Variants in FRMD4B observed in about 807,000 individuals in gnomAD.
FRMD4B encodes FERM domain containing 4B.
Under a neutral mutation model 141.5 loss-of-function variants are expected in FRMD4B, and 74 were observed. That is an observed-to-expected ratio of 0.52 (90% CI 0.43 to 0.63). The LOEUF is 0.63. Among genes scored for constraint, FRMD4B ranks in the 30% least tolerant of loss-of-function variants. FRMD4B has a pLI of 0.00. For missense variants in FRMD4B, 1,366 were observed against 1,253.4 expected, an observed-to-expected ratio of 1.09 and a Z score of -1.36; for synonymous variants, 506 against 467.9, an observed-to-expected ratio of 1.08 and a Z score of -1.05.
intron 1 of FRMD4B, among the ~76,000 whole-genome samples, chr3:69,332,742 ATTTTTTTTTTTTT>A (rs58437578): frequency 7.4e-5 from 5 of 67,548 alleles, no homozygotes; most frequent in African/African-American, 2.5e-4. Flanking sequence ...ACACCTGGCT[ATTTTTTTTTTTTT>A]TTTTTTTTTT....
At chr3:69,481,003 A>G (rs1575585739) in intron 1 of FRMD4B, among the ~76,000 whole-genome samples, 1 of 151,958 alleles carries the variant, frequency 6.6e-6, no homozygotes, top group Middle Eastern at 3.4e-3. Flanking sequence ...TGGGCTTAGG[A>G]CCCTCCGAGC....
chr3:69,400,499 T>C (rs1704546443), intron 2 of FRMD4B, among the ~76,000 whole-genome samples: 2 of 152,136 alleles, frequency 1.3e-5, no homozygotes, highest in Non-Finnish European at 2.9e-5. Flanking sequence ...GGAAGAAGCC[T>C]GGAGGAAACT....
intron 2 of FRMD4B, among the ~76,000 whole-genome samples, chr3:69,422,744 G>T (rs9310151): frequency 1 from 151,957 of 152,346 alleles, 75,787 homozygotes; most frequent in East Asian, 1. Flanking sequence ...TTTTGTATAA[G>T]TTTCATGTGT....
intron 1 of FRMD4B, among the ~76,000 whole-genome samples, chr3:69,512,411 G>T (rs1451638439): frequency 6.6e-6 from 1 of 152,122 alleles, no homozygotes; most frequent in Non-Finnish European, 1.5e-5. Flanking sequence ...TATAGTACAG[G>T]CTAAGCTACT....
chr3:69,471,347 G>T, intron 1 of FRMD4B: 1 of 191,648 alleles, frequency 5.2e-6, no homozygotes. Context: ...GTGATCATAA[G>T]GATTAATGAG....
intron 1 of FRMD4B, among the ~76,000 whole-genome samples, chr3:69,527,340 G>A (rs1214146243): frequency 6.6e-6 from 1 of 152,070 alleles, no homozygotes; most frequent in East Asian, 1.9e-4. Flanking sequence ...AGCCCTTCCG[G>A]GGTGGAGCGC....
intron 1 of FRMD4B, among the ~76,000 whole-genome samples, chr3:69,384,231 T>C (rs1003765990): frequency 1.3e-5 from 2 of 152,220 alleles, no homozygotes; most frequent in African/African-American, 4.8e-5. Flanking sequence ...TGCATAAAAA[T>C]TATCAGTCAA....
intron 2 of FRMD4B, among the ~76,000 whole-genome samples, chr3:69,393,796 A>T (rs1351143582): frequency 6.6e-6 from 1 of 152,204 alleles, no homozygotes; most frequent in Admixed American, 6.5e-5. Context: ...TTATATCATC[A>T]GTTGATTCTC....
At position 69,168,980 on chromosome 3, in the gene FRMD4B, A is replaced by G. The variant is rs2092561917; in HGVS notation, c.*2881T>C. The stretch of plus-strand genomic sequence containing the variant: ...GTCTTGATACAGAGGCCCAAGATAT[A>G]TTAGGCAGAAAACAAAACAAACAAA... On this transcript the variant is annotated 3_prime_UTR_variant, in exon 23 of 23. Coordinates refer to ENST00000398540, the MANE Select transcript of FRMD4B (RefSeq NM_015123.3). Among the ~76,000 whole-genome samples the G allele has an allele frequency of 7.3e-6, 1 of 136,124 alleles. No homozygotes were observed. The highest frequency in any genetic ancestry group is 2.3e-4 in the South Asian group (1 of 4,334). 89.3% of individuals were successfully genotyped at this position (136,124 alleles called of 152,430 possible).
chr3:69,492,592 A>G (rs911892357), intron 1 of FRMD4B, among the ~76,000 whole-genome samples: 10 of 152,320 alleles, frequency 6.6e-5, no homozygotes, highest in Non-Finnish European at 1.3e-4. Context: ...ATGTGCATAA[A>G]TTCATAGCCT....
At chr3:69,212,525 T>C (rs988978027) in intron 11 of FRMD4B, among the ~76,000 whole-genome samples, 6 of 152,134 alleles carry the variant, frequency 3.9e-5, no homozygotes, top group African/African-American at 1.4e-4. Flanking sequence ...GACCCTTTTC[T>C]AGACTCTGGA....
chr3:69,503,090 C>A (rs528929196), intron 1 of FRMD4B, among the ~76,000 whole-genome samples: 7 of 152,284 alleles, frequency 4.6e-5, no homozygotes, highest in South Asian at 4.1e-4. Flanking sequence ...GTTGGTGGGA[C>A]TGTAAACTAG....
At position 69,206,337 on chromosome 3, in the gene FRMD4B, G is replaced by GAC. The variant is rs376184912; in HGVS notation, c.877-7565_877-7564dup. Among the ~76,000 whole-genome samples, 388 of 152,164 alleles carry GAC rather than the reference G, an allele frequency of 2.5e-3. 1 individual carries two copies. The highest frequency in any genetic ancestry group is 8.9e-3 in the African/African-American group (370 of 41,498). On this transcript the variant is annotated intron_variant, in intron 11 of 22. Coordinates refer to ENST00000398540, the MANE Select transcript of FRMD4B (RefSeq NM_015123.3). ...TGCACTCCAGCCTGGGCGACAGAGT[G>GAC]ACACTCCATCTCAAAAAAACAAAAC... is the stretch of plus-strand genomic sequence containing the variant.
intron 3 of FRMD4B, among the ~76,000 whole-genome samples, chr3:69,304,383 C>T (rs1701319406): frequency 6.7e-6 from 1 of 149,248 alleles, no homozygotes; most frequent in Non-Finnish European, 1.5e-5. Context: ...ACTTGGGAGG[C>T]TGAGGCAGGA....
chr3:69,424,597 T>C (rs1005425389), intron 2 of FRMD4B, among the ~76,000 whole-genome samples: 1 of 152,116 alleles, frequency 6.6e-6, no homozygotes, highest in African/African-American at 2.4e-5. Context: ...AAACAGCCAA[T>C]AAATATACAA....
chr3:69,264,375 A>C (rs559335447), intron 5 of FRMD4B, among the ~76,000 whole-genome samples: 18 of 152,334 alleles, frequency 1.2e-4, no homozygotes, highest in Non-Finnish European at 2.2e-4. Flanking sequence ...TATTTGTAGA[A>C]TAGCAACTGA....
intron 2 of FRMD4B, among the ~76,000 whole-genome samples, chr3:69,414,712 G>C (rs1704821606): frequency 2.0e-5 from 3 of 152,208 alleles, no homozygotes; most frequent in Admixed American, 2.0e-4. Flanking sequence ...TCAAGGGTGT[G>C]CCCAGAAAGC....
chr3:69,297,060 C>T (rs182046931), intron 4 of FRMD4B, among the ~76,000 whole-genome samples: 1 of 152,220 alleles, frequency 6.6e-6, no homozygotes, highest in East Asian at 1.9e-4. Context: ...ATATTGGGAG[C>T]ATCTTTCTAT....
chr3:69,314,739 T>C (rs927449993), intron 1 of FRMD4B, among the ~76,000 whole-genome samples: 4 of 152,050 alleles, frequency 2.6e-5, no homozygotes, highest in Non-Finnish European at 5.9e-5. Flanking sequence ...GGAGGCTGAG[T>C]TGGGAGAAAC....
Sources: allele counts gnomAD v4.1 joint callset (sites outside exome capture counted in the v4.1 genomes callset), GRCh38; gene constraint gnomAD v4.1.1; transcripts MANE v1.5; gene names NCBI Gene and HGNC (gene_info 2026-07-23, HGNC 2026-07-21).